The following NDE1 variants were observed in gnomAD, a reference collection of about 807,000 sequenced individuals.
NDE1 encodes the protein nudE neurodevelopment protein 1.
Under a neutral mutation model 43.4 loss-of-function variants are expected in NDE1, and 28 were observed. The observed-to-expected ratio is 0.65, with a 90% CI of 0.48 to 0.89. The LOEUF is 0.89. NDE1 is among the 40% of genes least tolerant of loss of function. The pLI, the probability that NDE1 is intolerant of heterozygous loss-of-function variation, is 0.00. For missense variants in NDE1, 441 were observed against 434.1 expected (o/e 1.02, Z -0.14); for synonymous variants, 184 against 172.0 (o/e 1.07, Z -0.55).
At position 15,667,397 on chromosome 16, in the gene NDE1, G is replaced by A. The variant is rs373986366; in HGVS notation, c.195G>A (p.Leu65=). 5.0e-6 allele frequency: 8 copies of A among 1,613,854 alleles called. No individual in the cohort carries two copies. Among genetic ancestry groups the A allele is most frequent in the Non-Finnish European group, 6.8e-6 (8 of 1,179,926 alleles). Residue 65 remains leucine (L), a synonymous_variant, in exon 3 of 9, where the codon CTG becomes CTA. Coordinates refer to ENST00000396354, the MANE Select transcript of NDE1 (RefSeq NM_017668.3). The part of the protein sequence containing the change: ...QQIETRNRDL[L]SENNRLRMEL... Reference sequence around the variant, plus strand: ...TTGAAACCAGGAACAGAGACCTCCTGTCCGAAAATAACCGCCTTCGCATGG... The same window carrying A: ...TTGAAACCAGGAACAGAGACCTCCTATCCGAAAATAACCGCCTTCGCATGG...
chr16:15,690,355 T>TTTC (rs1317539270), intron 5 of NDE1, among the ~76,000 whole-genome samples: 15 of 74,096 alleles, frequency 2.0e-4, no homozygotes, highest in African/African-American at 6.7e-4. Flanking sequence ...TTTTTTTTCT[T>TTTC]TTTTTTTTTT....
chr16:15,696,502 C>T (rs1178776595), intron 7 of NDE1, among the ~76,000 whole-genome samples: 2 of 152,044 alleles, frequency 1.3e-5, no homozygotes, highest in Non-Finnish European at 2.9e-5. Context: ...AGGTGTGAGC[C>T]ATTGTGCCCA....
At chr16:15,686,192 T>G (rs999962042) in intron 4 of NDE1, among the ~76,000 whole-genome samples, 1 of 152,110 alleles carries the variant, frequency 6.6e-6, no homozygotes, top group African/African-American at 2.4e-5. Context: ...CCTCAAGTGA[T>G]CCGCCCGCCT....
At position 15,707,463 on chromosome 16, in the gene NDE1, T is replaced by C. The variant is rs547495856; in HGVS notation, c.947+10603T>C. On this transcript the variant is annotated intron_variant, in intron 8 of 8. Coordinates refer to ENST00000396354, the MANE Select transcript of NDE1 (RefSeq NM_017668.3). ...TTCTGCACTTCAGCCCACCCTGGAA[T>C]TTGGCTTATCCTATGATCCCAATCA... Among the ~76,000 whole-genome samples, 225 of 152,288 alleles carry C rather than the reference T, an allele frequency of 1.5e-3. 1 individual carries two copies. Among genetic ancestry groups the C allele is most frequent in the African/African-American group, 5.1e-3 (212 of 41,564 alleles).
chr16:15,682,174 G>A (rs1380719116), intron 4 of NDE1, among the ~76,000 whole-genome samples: 3 of 152,140 alleles, frequency 2.0e-5, no homozygotes, highest in African/African-American at 7.2e-5. Context: ...AATCAATAAA[G>A]TTCTAGGTCA....
At chr16:15,709,397 C>T (rs983985309) in intron 8 of NDE1, among the ~76,000 whole-genome samples, 1 of 151,934 alleles carries the variant, frequency 6.6e-6, no homozygotes, top group African/African-American at 2.4e-5. Flanking sequence ...TCACTGCAAC[C>T]TCCACCTCCC....
intron 4 of NDE1, chr16:15,686,369 T>G (rs1292272450): frequency 1.0e-6 from 1 of 985,242 alleles, no homozygotes; most frequent in Non-Finnish European, 1.2e-6. Context: ...CCCAGAATTA[T>G]AACAGATTGT....
upstream of NDE1, among the ~76,000 whole-genome samples, chr16:15,645,672 TATTA>T (rs1381796274): frequency 1.3e-5 from 2 of 152,350 alleles, no homozygotes; most frequent in East Asian, 3.9e-4. Flanking sequence ...ATGTATCCTC[TATTA>T]ATTGTATTCC....
At chr16:15,698,082 G>T (rs1206223667) in intron 8 of NDE1, among the ~76,000 whole-genome samples, 1 of 152,110 alleles carries the variant, frequency 6.6e-6, no homozygotes, top group Admixed American at 6.6e-5. Context: ...GATTACAGGC[G>T]TGAGCCACTG....
At chr16:15,699,683 T>C in intron 8 of NDE1, 1 of 1,331,372 alleles carries the variant, frequency 7.5e-7, no homozygotes, top group South Asian at 1.2e-5. Flanking sequence ...CTAGCCAGTT[T>C]GTCACAGCTG....
rs772007259 is a variant in NDE1 at position 15,720,200 on chromosome 16, G to C, written c.948-3991G>C. 5.6e-6 allele frequency: 9 copies of C among 1,614,136 alleles called. No homozygotes were observed. The East Asian group carries it at 1.6e-4, about 28-fold the overall frequency. On this transcript the variant is annotated intron_variant, in intron 8 of 8. Coordinates refer to ENST00000396354, the MANE Select transcript of NDE1 (RefSeq NM_017668.3). ...GGCTTCCTCCCTCCCCTTGATGGCA[G>C]AGTCGGCCTGAAGCTCCAGGTCTTT...
intron 8 of NDE1, chr16:15,717,371 T>C (rs1019597519): frequency 6.2e-7 from 1 of 1,602,082 alleles, no homozygotes; most frequent in African/African-American, 1.3e-5. Context: ...GTGAAGGCCA[T>C]GAGGCGGACT....
chr16:15,695,415 G>A (rs2151136677), intron 7 of NDE1: 1 of 845,530 alleles, frequency 1.2e-6, no homozygotes, highest in East Asian at 1.2e-4. Flanking sequence ...GGCTTATGCA[G>A]GAAAATTGTT....
At chr16:15,648,474 C>G (rs1468170601), upstream of NDE1, among the ~76,000 whole-genome samples, 1 of 152,212 alleles carries the variant, frequency 6.6e-6, no homozygotes, top group Non-Finnish European at 1.5e-5. Context: ...AAGTCTCCCT[C>G]TGTCTCCCAG....
rs769899465 is a variant in NDE1 at position 15,724,680 on chromosome 16, G to A, written c.*429G>A. On this transcript the variant is annotated 3_prime_UTR_variant, in exon 9 of 9. Coordinates refer to ENST00000396354, the MANE Select transcript of NDE1 (RefSeq NM_017668.3). The stretch of plus-strand genomic sequence containing the variant: ...TGAGAGTGGAGATGTGGCGCTCCAG[G>A]TTCTGCTTGGCCTCCATCTCCTCGT... The A allele has an allele frequency of 6.2e-6, 10 of 1,614,218 alleles. No individual in the cohort carries two copies. The highest frequency in any genetic ancestry group is 8.5e-6 in the Non-Finnish European group (10 of 1,180,042).
chr16:15,676,929 C>T (rs1009774607), intron 3 of NDE1, among the ~76,000 whole-genome samples: 5 of 152,204 alleles, frequency 3.3e-5, no homozygotes, highest in African/African-American at 9.6e-5. Flanking sequence ...CCCATGTTGC[C>T]GTGTGGATGA....
In NDE1 at chr16:15,693,228, C is replaced by T. The variant is rs764850214; in HGVS notation, c.704-937C>T. Among the ~76,000 whole-genome samples, 3 of 152,276 alleles carry T rather than the reference C, an allele frequency of 2.0e-5. No individual in the cohort carries two copies. In the East Asian group the frequency reaches 5.8e-4, roughly 29 times the overall value. The stretch of plus-strand genomic sequence containing the variant: ...CCATGTTGGCCAGGCTGGTCTTGAA[C>T]TCCTGACCTCAACTGATCGAACTGC... On this transcript the variant is annotated intron_variant, in intron 6 of 8. Coordinates refer to ENST00000396354, the MANE Select transcript of NDE1 (RefSeq NM_017668.3).
At chr16:15,644,312 C>G (rs1471305905) in intron 1 of NDE1, among the ~76,000 whole-genome samples, 1 of 152,164 alleles carries the variant, frequency 6.6e-6, no homozygotes, top group Non-Finnish European at 1.5e-5. Context: ...ATAGGCAATC[C>G]CCATTACGTG....
chr16:15,655,724 C>T (rs1340956685), intron 1 of NDE1, among the ~76,000 whole-genome samples: 1 of 151,936 alleles, frequency 6.6e-6, no homozygotes, highest in African/African-American at 2.4e-5. Context: ...GACTTGGAAC[C>T]AACCCAAATG....
Sources: gnomAD v4.1 joint callset for allele counts (sites outside exome capture counted in the v4.1 genomes callset) on GRCh38, gnomAD v4.1.1 for gene constraint, MANE v1.5 for transcripts, NCBI Gene and HGNC (gene_info 2026-07-23, HGNC 2026-07-21) for gene names.